Variants in RBFOX1 observed in about 807,000 individuals in gnomAD.
RBFOX1 encodes RNA binding fox-1 homolog 1.
In RBFOX1, 8 loss-of-function variants were observed where a neutral mutation model predicts 57.7. The observed-to-expected ratio is 0.14, with a 90% confidence interval of 0.08 to 0.25. The LOEUF is 0.25. RBFOX1 is among the 10% of genes least tolerant of loss of function. The probability of loss-of-function intolerance (pLI) is 1.00; values close to 1 mark genes in which losing one functional copy is unlikely to be tolerated. For synonymous variants in RBFOX1, 326 were observed against 222.4 expected (o/e 1.47, Z -4.15); for missense variants, 611 against 548.5 (o/e 1.11, Z -1.14).
chr16:5,547,411 A>G (rs1429761627), intron 2 of RBFOX1, among the ~76,000 whole-genome samples: 1 of 152,232 alleles, frequency 6.6e-6, no homozygotes, highest in Admixed American at 6.5e-5. Flanking sequence ...ATATAATGGA[A>G]TAGTATGCAG....
chr16:7,200,352 T>C (rs1339144473), intron 4 of RBFOX1, among the ~76,000 whole-genome samples: 3 of 152,214 alleles, frequency 2.0e-5, no homozygotes, highest in Non-Finnish European at 4.4e-5. Context: ...AGAGCCTGAA[T>C]GTGACAGGAA....
rs559601337 is a variant in RBFOX1, at chr16:5,901,080, G to A, written c.351+33745G>A. ...CAGAGCACCAGCCCTTCTTCACTCT[G>A]TGCTGTGACTAGTGTCAGGAGAAAC... On this transcript the variant is annotated intron_variant, in intron 4 of 19. Coordinates refer to the RBFOX1 transcript ENST00000641259. Among the ~76,000 whole-genome samples the A allele has an allele frequency of 2.6e-5, 4 of 152,272 alleles. No homozygotes were observed. The South Asian group carries it at 8.3e-4, about 32-fold the overall frequency.
chr16:6,103,046 A>G (rs546965885), intron 1 of RBFOX1, among the ~76,000 whole-genome samples: 1 of 152,338 alleles, frequency 6.6e-6, no homozygotes, highest in African/African-American at 2.4e-5. Flanking sequence ...TGGACAATTA[A>G]GGGATTTAAA....
In RBFOX1 at chr16:6,324,931, C is replaced by T. The variant is rs181643356; in HGVS notation, c.-64+7874C>T. Among the ~76,000 whole-genome samples, 48 of 152,322 alleles carry T rather than the reference C, an allele frequency of 3.2e-4. 1 individual carries two copies. Among genetic ancestry groups the T allele is most frequent in the Admixed American group, 1.6e-3 (25 of 15,296 alleles). On this transcript the variant is annotated intron_variant, in intron 2 of 15. Coordinates refer to ENST00000550418, the MANE Select transcript of RBFOX1 (RefSeq NM_018723.4). ...CAGAAATTAGCCCATTTTCTCTTGA[C>T]AGGAGAGTGTACTATGTAGCTAAAT...
intron 4 of RBFOX1, among the ~76,000 whole-genome samples, chr16:7,517,769 A>C (rs771088598): frequency 3.9e-5 from 6 of 151,920 alleles, no homozygotes; most frequent in Non-Finnish European, 7.4e-5. Flanking sequence ...CTGTCACTGC[A>C]GACAACTAAA....
chr16:7,057,933 G>A (rs777508664), intron 4 of RBFOX1, among the ~76,000 whole-genome samples: 10 of 151,500 alleles, frequency 6.6e-5, no homozygotes, highest in Admixed American at 2.6e-4. Context: ...GCTTGACCCC[G>A]GGAGGTGGAG....
intron 4 of RBFOX1, among the ~76,000 whole-genome samples, chr16:7,253,641 C>T (rs1320596270): frequency 6.6e-6 from 1 of 152,126 alleles, no homozygotes; most frequent in Admixed American, 6.6e-5. Context: ...TCTACATGAC[C>T]ATCTTGCCTA....
At chr16:7,232,033 C>T (rs2093526746) in intron 4 of RBFOX1, among the ~76,000 whole-genome samples, 1 of 148,382 alleles carries the variant, frequency 6.7e-6, no homozygotes, top group Non-Finnish European at 1.5e-5. Flanking sequence ...GAATTGTTTC[C>T]TTTTTTTTTT....
intron 3 of RBFOX1, among the ~76,000 whole-genome samples, chr16:6,841,920 C>T (rs914050471): frequency 4.6e-5 from 7 of 151,604 alleles, no homozygotes; most frequent in African/African-American, 1.5e-4. Context: ...GGGTGGATCA[C>T]GAGGTCAGGA....
intron 4 of RBFOX1, among the ~76,000 whole-genome samples, chr16:7,335,606 A>AAG (rs1555729898): frequency 3.1e-5 from 2 of 64,938 alleles, no homozygotes; most frequent in African/African-American, 3.0e-4. Flanking sequence ...AAAAAAAAAA[A>AAG]AAACCAAGTG....
chr16:6,969,564 G>A (rs929922775), intron 3 of RBFOX1, among the ~76,000 whole-genome samples: 3 of 151,414 alleles, frequency 2.0e-5, no homozygotes, highest in African/African-American at 4.9e-5. Context: ...ATGAGACCTC[G>A]TCTCTACAAA....
At chr16:5,295,618 C>T (rs929999762) in intron 1 of RBFOX1, among the ~76,000 whole-genome samples, 5 of 152,322 alleles carry the variant, frequency 3.3e-5, no homozygotes, top group African/African-American at 7.2e-5. Flanking sequence ...CTTCTTGCCA[C>T]GTGGGCCTCT....
intron 1 of RBFOX1, among the ~76,000 whole-genome samples, chr16:5,371,797 G>A (rs2065863132): frequency 6.6e-6 from 1 of 151,948 alleles, no homozygotes; most frequent in African/African-American, 2.4e-5. Flanking sequence ...CTTGGCCCTG[G>A]GCTGCAGATA....
chr16:5,979,203 C>G (rs1293138243), intron 4 of RBFOX1, among the ~76,000 whole-genome samples: 2 of 152,158 alleles, frequency 1.3e-5, no homozygotes, highest in Non-Finnish European at 2.9e-5. Context: ...TCACCTGGTT[C>G]TTGCAGTAAA....
rs1447651122 is a variant in RBFOX1 at position 5,598,870 on chromosome 16, A to G, written c.259-32A>G. ...TTTTTTCCTCAACCCGGCTTCCCCA[A>G]CCTTTTTCTCTATTTGTTTGTTTTT... On this transcript the variant is annotated intron_variant, in intron 2 of 2. Coordinates refer to the RBFOX1 transcript ENST00000585867. 20 of 1,463,164 alleles carry G rather than the reference A, an allele frequency of 1.4e-5. No homozygotes were observed. The Admixed American group carries it at 1.9e-4, about 14-fold the overall frequency. 90.6% of individuals were successfully genotyped at this position (1,463,164 alleles called of 1,614,324 possible). A position where few individuals can be genotyped will look rare whatever the true frequency, so the allele number is the denominator to read the frequency against.
chr16:6,893,864 G>A (rs140074431), intron 3 of RBFOX1, among the ~76,000 whole-genome samples: 2,611 of 152,174 alleles, frequency 0.017, 53 homozygotes, highest in Non-Finnish European at 0.022. Flanking sequence ...AATTGTATGG[G>A]GAATAGTTTA....
intron 2 of RBFOX1, among the ~76,000 whole-genome samples, chr16:5,469,999 C>G (rs368978969): frequency 5.1e-4 from 77 of 152,192 alleles, no homozygotes; most frequent in African/African-American, 1.8e-3. Context: ...GTTTTTGGTT[C>G]TTGTGGGTAT....
At chr16:7,492,981 C>T (rs890871029) in intron 4 of RBFOX1, among the ~76,000 whole-genome samples, 9 of 152,128 alleles carry the variant, frequency 5.9e-5, no homozygotes, top group African/African-American at 1.2e-4. Context: ...CAGGTTCAAG[C>T]GATTCTCCTG....
At chr16:5,917,858 C>A (rs184901225) in intron 4 of RBFOX1, among the ~76,000 whole-genome samples, 4 of 152,156 alleles carry the variant, frequency 2.6e-5, no homozygotes, top group Admixed American at 1.3e-4. Context: ...CAGGGTCTAG[C>A]CCCTGGTCCC....
Sources: allele counts gnomAD v4.1 joint callset (sites outside exome capture counted in the v4.1 genomes callset), GRCh38; gene constraint gnomAD v4.1.1; transcripts MANE v1.5; gene names NCBI Gene and HGNC (gene_info 2026-07-23, HGNC 2026-07-21).